The following ZNF827 variants were observed in gnomAD, a reference collection of about 807,000 sequenced individuals.
The protein encoded by ZNF827 is zinc finger protein 827.
In ZNF827, 13 loss-of-function variants were observed where a neutral mutation model predicts 102.4. That is an observed-to-expected ratio of 0.13 (90% confidence interval 0.08 to 0.20). ZNF827 has a LOEUF of 0.20. Among genes scored for constraint, ZNF827 ranks in the 10% least tolerant of loss-of-function variants. ZNF827 has a pLI of 1.00. For synonymous variants in ZNF827, 523 were observed against 536.2 expected, an observed-to-expected ratio of 0.98 and a Z score of 0.34; for missense variants, 1,103 against 1,344.4, an observed-to-expected ratio of 0.82 and a Z score of 2.81.
At chr4:145,908,239 C>T (rs1451951519) in intron 1 of ZNF827, among the ~76,000 whole-genome samples, 1 of 152,160 alleles carries the variant, frequency 6.6e-6, no homozygotes, top group African/African-American at 2.4e-5. Flanking sequence ...GCCTAAAAGT[C>T]CCATTTCTAA....
chr4:145,930,392 C>T (rs1448941699), intron 1 of ZNF827, among the ~76,000 whole-genome samples: 1 of 152,216 alleles, frequency 6.6e-6, no homozygotes, highest in East Asian at 1.9e-4. Flanking sequence ...TTTTTCCCTT[C>T]ACATCACAAT....
At chr4:145,876,032 T>C (rs1274643971) in intron 4 of ZNF827, among the ~76,000 whole-genome samples, 4 of 152,244 alleles carry the variant, frequency 2.6e-5, no homozygotes, top group South Asian at 2.1e-4. Flanking sequence ...TTTTGTGTAG[T>C]AGCCCTTGTA....
intron 4 of ZNF827, among the ~76,000 whole-genome samples, chr4:145,873,227 G>A (rs1011151819): frequency 1.3e-5 from 2 of 152,224 alleles, no homozygotes; most frequent in African/African-American, 4.8e-5. Flanking sequence ...GAGCCGACAC[G>A]CCTGGCCCAA....
At chr4:145,886,815 G>A (rs916750143) in intron 3 of ZNF827, among the ~76,000 whole-genome samples, 2 of 151,822 alleles carry the variant, frequency 1.3e-5, no homozygotes, top group African/African-American at 4.8e-5. Flanking sequence ...TTTTCCAAAC[G>A]TGGCTATAAT....
intron 11 of ZNF827, among the ~76,000 whole-genome samples, chr4:145,768,471 T>A (rs1301197636): frequency 1.3e-5 from 2 of 151,940 alleles, no homozygotes; most frequent in East Asian, 3.9e-4. Flanking sequence ...GGCCTAAAGA[T>A]GTACATTATA....
At chr4:145,898,885 G>A (rs558650632) in intron 2 of ZNF827, among the ~76,000 whole-genome samples, 132 of 152,238 alleles carry the variant, frequency 8.7e-4, no homozygotes, top group African/African-American at 2.8e-3. Flanking sequence ...TACTCAAGGC[G>A]GGATCAGCTT....
intron 1 of ZNF827, among the ~76,000 whole-genome samples, chr4:145,915,447 C>CA (rs1324520190): frequency 4.5e-4 from 66 of 145,676 alleles, no homozygotes; most frequent in African/African-American, 7.0e-4. Context: ...AACTCCGTCT[C>CA]AAAAAAAAAA....
intron 7 of ZNF827, among the ~76,000 whole-genome samples, chr4:145,828,828 A>G (rs916184291): frequency 2.6e-5 from 4 of 152,230 alleles, no homozygotes; most frequent in Non-Finnish European, 5.9e-5. Flanking sequence ...GACTTACAAT[A>G]AATAATAAAA....
At chr4:145,804,309 A>G (rs1741196568) in intron 8 of ZNF827, among the ~76,000 whole-genome samples, 1 of 152,216 alleles carries the variant, frequency 6.6e-6, no homozygotes, top group African/African-American at 2.4e-5. Flanking sequence ...AATCAACCTC[A>G]TAGCCTGCCA....
chr4:145,796,787 G>A (rs926327845), intron 8 of ZNF827, among the ~76,000 whole-genome samples: 6 of 152,048 alleles, frequency 3.9e-5, no homozygotes, highest in Non-Finnish European at 5.9e-5. Flanking sequence ...CCGCTACCAC[G>A]CCTGGCTAAT....
intron 2 of ZNF827, among the ~76,000 whole-genome samples, chr4:145,898,210 A>G (rs1016564429): frequency 1.3e-5 from 2 of 152,150 alleles, no homozygotes; most frequent in Non-Finnish European, 2.9e-5. Context: ...AGGAGAGGTG[A>G]TCTCCCTCTC....
chr4:145,824,700 C>A (rs1743493824), intron 7 of ZNF827, among the ~76,000 whole-genome samples: 1 of 152,126 alleles, frequency 6.6e-6, no homozygotes, highest in Non-Finnish European at 1.5e-5. Flanking sequence ...CAGGGAAACG[C>A]AGCCAGGAGG....
chr4:145,793,822 T>G (rs1213474063), intron 8 of ZNF827, among the ~76,000 whole-genome samples: 3 of 152,186 alleles, frequency 2.0e-5, no homozygotes, highest in African/African-American at 7.2e-5. Context: ...GCAGAATCTT[T>G]GCCTCATCTT....
At chr4:145,827,306 G>C (rs570271818) in intron 7 of ZNF827, among the ~76,000 whole-genome samples, 1 of 152,344 alleles carries the variant, frequency 6.6e-6, no homozygotes, top group East Asian at 1.9e-4. Context: ...GGAAGAGATA[G>C]AGAAGGGGGT....
intron 1 of ZNF827, among the ~76,000 whole-genome samples, chr4:145,924,925 G>C (rs1226565905): frequency 6.6e-6 from 1 of 152,090 alleles, no homozygotes; most frequent in Non-Finnish European, 1.5e-5. Context: ...GTATTAGTCT[G>C]TTACACACAC....
At chr4:145,854,560 C>A (rs1746877167) in intron 5 of ZNF827, among the ~76,000 whole-genome samples, 1 of 152,126 alleles carries the variant, frequency 6.6e-6, no homozygotes, top group Admixed American at 6.5e-5. Context: ...TCCACCTGCA[C>A]AACGATTCCT....
chr4:145,839,064 A>G (rs1745162569), intron 7 of ZNF827: 1 of 152,254 alleles, frequency 6.6e-6, no homozygotes, highest in South Asian at 2.1e-4. Flanking sequence ...ATTGTAGAAG[A>G]AAAATACAGC....
chr4:145,829,862 C>T (rs1056831505), intron 7 of ZNF827, among the ~76,000 whole-genome samples: 2 of 150,266 alleles, frequency 1.3e-5, no homozygotes, highest in Admixed American at 6.6e-5. Flanking sequence ...TTTTTAAGAA[C>T]TGAAATGCCA....
At chr4:145,812,558 C>T (rs1366045351) in intron 8 of ZNF827, among the ~76,000 whole-genome samples, 4 of 151,870 alleles carry the variant, frequency 2.6e-5, no homozygotes, top group South Asian at 4.2e-4. Flanking sequence ...GATGGTGTCT[C>T]GCTCTGTCAC....
Sources: gnomAD v4.1 joint callset for allele counts (sites outside exome capture counted in the v4.1 genomes callset) on GRCh38, gnomAD v4.1.1 for gene constraint, MANE v1.5 for transcripts, NCBI Gene and HGNC (gene_info 2026-07-23, HGNC 2026-07-21) for gene names.